The following TBC1D12 variants were observed in gnomAD, a reference collection of about 807,000 sequenced individuals.
The protein encoded by TBC1D12 is TBC1 domain family member 12, also known as TBC1 domain family, member 12.
In TBC1D12, 56 loss-of-function variants were observed where a neutral mutation model predicts 86.7. The ratio of observed to expected loss-of-function variants is 0.65; its 90% CI spans 0.52 to 0.81. The LOEUF (loss-of-function observed/expected upper bound fraction) is 0.81. TBC1D12 is among the 30% of genes least tolerant of loss of function. The pLI is 0.00. For synonymous variants in TBC1D12, 421 were observed against 411.7 expected (o/e 1.02, Z -0.27); for missense variants, 1,023 against 1,038.8 (o/e 0.98, Z 0.21).
intron 1 of TBC1D12, among the ~76,000 whole-genome samples, chr10:94,415,560 C>T (rs563764374): frequency 2.0e-4 from 30 of 152,188 alleles, no homozygotes; most frequent in African/African-American, 6.5e-4. Context: ...GGTGAAACCC[C>T]GTCTCTAGTA....
intron 1 of TBC1D12, among the ~76,000 whole-genome samples, chr10:94,427,093 C>G (rs1034151876): frequency 2.6e-5 from 4 of 152,194 alleles, no homozygotes; most frequent in African/African-American, 9.7e-5. Flanking sequence ...TTTACTCTTA[C>G]TGTAAACAAA....
At chr10:94,406,401 G>A (rs1299596920) in intron 1 of TBC1D12, among the ~76,000 whole-genome samples, 3 of 152,162 alleles carry the variant, frequency 2.0e-5, no homozygotes, top group Non-Finnish European at 4.4e-5. Context: ...AGGAGTCAGT[G>A]CTTCCTTTAT....
chr10:94,501,745 G>A lies in TBC1D12; in HGVS notation c.1519+1418G>A, dbSNP rs201752870. Among the ~76,000 whole-genome samples the A allele has an allele frequency of 2.0e-4, 30 of 151,650 alleles. No individual in the cohort carries two copies. The East Asian group carries it at 3.1e-3, about 15-fold the overall frequency. On this transcript the variant is annotated intron_variant, in intron 6 of 12. Transcript: ENST00000225235. ...GTATTTTTAGTAGAGATGGGGTTTT[G>A]CCATGCTGGCCAGGCTGGTCTCAAA...
intron 9 of TBC1D12, among the ~76,000 whole-genome samples, chr10:94,514,161 G>C (rs1328502154): frequency 6.6e-6 from 1 of 152,002 alleles, no homozygotes; most frequent in South Asian, 2.1e-4. Context: ...GATCGCTTGA[G>C]CCCAGGAGTT....
At chr10:94,427,583 G>T (rs931838325) in intron 1 of TBC1D12, among the ~76,000 whole-genome samples, 1 of 152,130 alleles carries the variant, frequency 6.6e-6, no homozygotes, top group African/African-American at 2.4e-5. Context: ...TGTAATCCCA[G>T]CACTTTGGGA....
In TBC1D12 at chr10:94,531,369, T is replaced by A; in HGVS notation, c.2168T>A (p.Leu723Gln). 2 of 1,614,168 alleles carry A rather than the reference T, an allele frequency of 1.2e-6. No homozygotes were observed. Among genetic ancestry groups the A allele is most frequent in the Non-Finnish European group, 1.7e-6 (2 of 1,180,028 alleles). Residue 723 changes from leucine to glutamine, a missense_variant, in exon 12 of 13, where the codon CTA (leucine) becomes CAA (glutamine). Leu to Gln is a moderately radical substitution (Grantham distance 113). Coordinates refer to ENST00000225235, the MANE Select transcript of TBC1D12 (RefSeq NM_015188.2). ...GACTTTATTCATATAGCACAGTTTC[T>A]AACTAAATTGCCAGAAGATATCACA... Reference protein sequence around the residue: ...QMDFIHIAQFLTKLPEDITSE... With the variant: ...QMDFIHIAQFQTKLPEDITSE...
In TBC1D12 at chr10:94,403,354, G is replaced by C; in HGVS notation, c.741G>C (p.Ala247=). 1 of 1,525,024 alleles carries C rather than the reference G, an allele frequency of 6.6e-7. No individual in the cohort carries two copies. The highest frequency in any genetic ancestry group is 1.4e-5 in the African/African-American group (1 of 69,682). The allele number at this position is 1,525,024 out of a possible 1,614,324, so 94.5% of individuals were successfully genotyped here. A position where few individuals can be genotyped will look rare whatever the true frequency, so the allele number is the denominator to read the frequency against. The change falls in exon 1 of 13, where the codon GCG becomes GCC. Residue 247 remains alanine, a synonymous_variant. Transcript: ENST00000225235. ...GVGAGGPEEG[A]PPATSAERTN... ...GCGCCGGGGGTCCCGAGGAGGGCGC[G>C]CCCCCTGCCACCTCGGCCGAGAGGA...
chr10:94,507,457 C>A, intron 7 of TBC1D12, 110 bp downstream of exon 7: 2 of 985,894 alleles, frequency 2.0e-6, no homozygotes, highest in Non-Finnish European at 2.9e-6. Flanking sequence ...TAATCTTAAC[C>A]CTTTCAGTAA....
chr10:94,456,797 A>G (rs1004883199), intron 2 of TBC1D12, among the ~76,000 whole-genome samples: 6 of 152,178 alleles, frequency 3.9e-5, no homozygotes, highest in African/African-American at 1.2e-4. Context: ...AGATTCATCT[A>G]TTACTCCTTG....
chr10:94,515,578 A>G lies in TBC1D12; in HGVS notation c.1761+3924A>G, dbSNP rs187876748. Among the ~76,000 whole-genome samples, 612 of 150,666 alleles carry G rather than the reference A, an allele frequency of 4.1e-3. 4 individuals are homozygous for G. The highest frequency in any genetic ancestry group is 0.014 in the African/African-American group (560 of 41,022). ...TGACCAGGCTAGTCTCGAACTCCTG[A>G]CCTCAGGCGATCCACCCGCCTCGGC... On this transcript the variant is annotated intron_variant, in intron 9 of 12. Coordinates refer to ENST00000225235, the MANE Select transcript of TBC1D12 (RefSeq NM_015188.2).
intron 9 of TBC1D12, among the ~76,000 whole-genome samples, chr10:94,516,337 A>G (rs1293010476): frequency 6.6e-6 from 1 of 152,218 alleles, no homozygotes; most frequent in African/African-American, 2.4e-5. Flanking sequence ...AAACAAATCT[A>G]TTAGAGAAAC....
intron 3 of TBC1D12, among the ~76,000 whole-genome samples, chr10:94,476,111 T>A (rs1036780274): frequency 1.3e-5 from 2 of 152,164 alleles, no homozygotes; most frequent in East Asian, 3.9e-4. Flanking sequence ...GGCTAAAGAA[T>A]TCTTTCTCTC....
rs1240148648 is a variant in TBC1D12 at position 94,522,471 on chromosome 10, T to A, written c.2000+18T>A. 7.4e-6 allele frequency: 7 copies of A among 952,336 alleles called. No homozygotes were observed. Among genetic ancestry groups the A allele is most frequent in the Non-Finnish European group, 1.1e-5 (7 of 646,082 alleles). The allele number at this position is 952,336 out of a possible 1,614,324, so 59.0% of individuals were successfully genotyped here. On this transcript the variant is annotated intron_variant, in intron 11 of 12. Transcript: ENST00000225235. ...ATAGACTGGTAAGTCATAACATACGTAATATATAATAATGAAAAGGAAATA... is the reference window on the plus strand; with the variant it reads ...ATAGACTGGTAAGTCATAACATACGAAATATATAATAATGAAAAGGAAATA...
intron 6 of TBC1D12, among the ~76,000 whole-genome samples, chr10:94,502,374 T>G (rs1312498400): frequency 6.6e-6 from 1 of 150,880 alleles, no homozygotes; most frequent in Non-Finnish European, 1.5e-5. Context: ...TTTTTAAAAT[T>G]AGATAAAATT....
chr10:94,524,717 C>G (rs577351796), intron 11 of TBC1D12, among the ~76,000 whole-genome samples: 4 of 139,740 alleles, frequency 2.9e-5, no homozygotes, highest in East Asian at 2.1e-4. Context: ...CTAGACAGAG[C>G]GAGACTCCAT....
At chr10:94,487,398 C>T (rs1198804984) in intron 3 of TBC1D12, among the ~76,000 whole-genome samples, 1 of 151,054 alleles carries the variant, frequency 6.6e-6, no homozygotes, top group Non-Finnish European at 1.5e-5. Context: ...TCTTTCGTTC[C>T]TTCCAGTCTT....
At chr10:94,507,474 C>T in intron 7 of TBC1D12, 127 bp downstream of exon 7, 1 of 867,048 alleles carries the variant, frequency 1.2e-6, no homozygotes, top group South Asian at 2.1e-5. Context: ...GTAAACAAGG[C>T]TAGAAAAAAG....
At chr10:94,504,211 T>C (rs1167660558) in intron 6 of TBC1D12, among the ~76,000 whole-genome samples, 1 of 152,220 alleles carries the variant, frequency 6.6e-6, no homozygotes, top group Non-Finnish European at 1.5e-5. Flanking sequence ...TATTGATGGT[T>C]ATATGAAGTT....
intron 1 of TBC1D12, among the ~76,000 whole-genome samples, chr10:94,405,901 C>A (rs545773642): frequency 2.6e-5 from 4 of 152,130 alleles, no homozygotes; most frequent in East Asian, 3.9e-4. Flanking sequence ...CCTCTGCCCC[C>A]CTGGGTTCAA....
Sources: gnomAD v4.1 joint callset for allele counts (sites outside exome capture counted in the v4.1 genomes callset) on GRCh38, gnomAD v4.1.1 for gene constraint, MANE v1.5 for transcripts, NCBI Gene and HGNC (gene_info 2026-07-23, HGNC 2026-07-21) for gene names.